Variants in PCDH15 observed in about 807,000 individuals in gnomAD.
The protein encoded by PCDH15 is protocadherin-15.
A neutral mutation model predicts 178.5 loss-of-function variants in PCDH15; 129 were observed. The observed-to-expected ratio is 0.72, with a 90% CI of 0.63 to 0.84. The LOEUF (loss-of-function observed/expected upper bound fraction) is 0.84, where lower values mean the gene tolerates loss of function less well. Ranked by LOEUF, PCDH15 falls within the 40% of genes least tolerant of loss-of-function variation. The pLI is 0.00. For missense variants in PCDH15, 2,230 were observed against 2,099.9 expected (o/e 1.06, Z -1.21); for synonymous variants, 800 against 732.0 (o/e 1.09, Z -1.50).
intron 5 of PCDH15, among the ~76,000 whole-genome samples, chr10:54,356,125 ACT>A (rs1055966923): frequency 9.2e-5 from 14 of 152,190 alleles, no homozygotes; most frequent in Admixed American, 9.2e-4. Flanking sequence ...GCTGGAAGAC[ACT>A]GTTTTGTCAA....
intron 2 of PCDH15, chr10:55,600,041 G>T (rs1040139750): frequency 2.7e-6 from 3 of 1,115,400 alleles, no homozygotes; most frequent in South Asian, 2.0e-5. Context: ...AAGCCAACAG[G>T]CCCCAATGTA....
At chr10:54,067,408 T>G (rs1406786053) in intron 17 of PCDH15, among the ~76,000 whole-genome samples, 1 of 152,152 alleles carries the variant, frequency 6.6e-6, no homozygotes, top group Non-Finnish European at 1.5e-5. Context: ...AGAGTTTGAG[T>G]ACCATATACT....
intron 1 of PCDH15, among the ~76,000 whole-genome samples, chr10:55,215,932 C>T (rs1840690201): frequency 6.6e-6 from 1 of 151,828 alleles, no homozygotes; most frequent in East Asian, 1.9e-4. Context: ...CAGTGCTTGA[C>T]AGTTGTATGG....
intron 8 of PCDH15, among the ~76,000 whole-genome samples, chr10:54,307,981 C>T (rs1412915143): frequency 6.6e-6 from 1 of 152,032 alleles, no homozygotes; most frequent in Non-Finnish European, 1.5e-5. Flanking sequence ...AAGCATGCTT[C>T]ATAAATCTTC....
chr10:55,433,958 G>A (rs566978806), intron 2 of PCDH15, among the ~76,000 whole-genome samples: 2 of 151,462 alleles, frequency 1.3e-5, no homozygotes, highest in Non-Finnish European at 2.9e-5. Flanking sequence ...TTTATTTCTG[G>A]GCTCCATAAT....
chr10:54,566,715 A>G (rs1413268102), intron 2 of PCDH15, among the ~76,000 whole-genome samples: 1 of 152,170 alleles, frequency 6.6e-6, no homozygotes, highest in Admixed American at 6.6e-5. Context: ...GTCTGAAGGT[A>G]CCACAGTTTA....
At chr10:55,063,620 C>T (rs374483293) in intron 2 of PCDH15, among the ~76,000 whole-genome samples, 1 of 152,028 alleles carries the variant, frequency 6.6e-6, no homozygotes, top group Non-Finnish European at 1.5e-5. Flanking sequence ...TTGAAGAGGG[C>T]ATATTTCTTG....
chr10:55,210,427 C>A (rs1006120931), intron 1 of PCDH15, among the ~76,000 whole-genome samples: 6 of 151,288 alleles, frequency 4.0e-5, no homozygotes, highest in African/African-American at 1.5e-4. Context: ...TATAAGAGAC[C>A]ACAACATTTA....
At chr10:54,671,148 T>C (rs1411422202) in intron 1 of PCDH15, among the ~76,000 whole-genome samples, 3 of 152,102 alleles carry the variant, frequency 2.0e-5, no homozygotes, top group African/African-American at 7.2e-5. Flanking sequence ...CTTAAAAATA[T>C]AACCAAGTAA....
chr10:55,355,245 T>A (rs1425699396), intron 2 of PCDH15, among the ~76,000 whole-genome samples: 12 of 152,042 alleles, frequency 7.9e-5, no homozygotes, highest in Admixed American at 7.9e-4. Context: ...TGAAAATCAG[T>A]GTTCATTTCT....
intron 25 of PCDH15, among the ~76,000 whole-genome samples, chr10:53,914,557 T>C (rs2083390951): frequency 6.6e-6 from 1 of 152,110 alleles, no homozygotes; most frequent in Admixed American, 6.6e-5. Context: ...AGGTGGGAAT[T>C]GAACAATGAG....
intron 3 of PCDH15, among the ~76,000 whole-genome samples, chr10:54,506,564 C>A (rs1183189179): frequency 2.6e-5 from 4 of 151,956 alleles, no homozygotes; most frequent in African/African-American, 4.8e-5. Context: ...TGCCATTGTT[C>A]TGCCCTAAAT....
chr10:55,284,322 T>C (rs147243759), intron 1 of PCDH15, among the ~76,000 whole-genome samples: 4 of 152,154 alleles, frequency 2.6e-5, no homozygotes, highest in African/African-American at 9.6e-5. Flanking sequence ...ACCTTTTAGA[T>C]AAACTACACT....
At chr10:54,436,033 AGAGAGAGAG>A (rs2075376075) in intron 3 of PCDH15, among the ~76,000 whole-genome samples, 1 of 21,762 alleles carries the variant, frequency 4.6e-5, no homozygotes, top group Non-Finnish European at 1.3e-4. Flanking sequence ...AGAGGAGAGG[AGAGAGAGAG>A]AGAGAGAGAA....
intron 1 of PCDH15, among the ~76,000 whole-genome samples, chr10:54,681,488 T>G (rs538903446): frequency 1.3e-3 from 145 of 108,988 alleles, no homozygotes; most frequent in African/African-American, 4.1e-3. Flanking sequence ...TGAAGCCAAA[T>G]GAAGAAAGGA....
chr10:55,474,529 C>T (rs1482937879), intron 2 of PCDH15, among the ~76,000 whole-genome samples: 1 of 152,192 alleles, frequency 6.6e-6, no homozygotes, highest in African/African-American at 2.4e-5. Flanking sequence ...CTGTCTCCAT[C>T]TCTGACTTTG....
At chr10:53,941,975 C>T (rs778653690) in intron 23 of PCDH15, among the ~76,000 whole-genome samples, 7 of 152,154 alleles carry the variant, frequency 4.6e-5, no homozygotes, top group Non-Finnish European at 8.8e-5. Context: ...TTACATTGTG[C>T]TTTCATTGAA....
intron 2 of PCDH15, among the ~76,000 whole-genome samples, chr10:55,028,137 T>G (rs930665202): frequency 1.3e-5 from 2 of 151,832 alleles, no homozygotes; most frequent in South Asian, 4.1e-4. Flanking sequence ...TCCTTAACCC[T>G]CAGGTTAACT....
intron 2 of PCDH15, among the ~76,000 whole-genome samples, chr10:55,115,513 T>C (rs993629248): frequency 2.0e-5 from 3 of 152,204 alleles, no homozygotes; most frequent in Non-Finnish European, 4.4e-5. Context: ...ACATTCCTTG[T>C]CATTTTGATC....
Sources: allele counts gnomAD v4.1 joint callset (sites outside exome capture counted in the v4.1 genomes callset), GRCh38; gene constraint gnomAD v4.1.1; transcripts MANE v1.5; gene names NCBI Gene and HGNC (gene_info 2026-07-23, HGNC 2026-07-21).